Variants in SRBD1 observed in about 807,000 individuals in gnomAD.
SRBD1 encodes the protein S1 RNA-binding domain-containing protein 1.
SRBD1 carries 88 observed loss-of-function variants against 115.3 expected under a neutral mutation model. The ratio of observed to expected loss-of-function variants is 0.76; its 90% confidence interval spans 0.64 to 0.91. The LOEUF (loss-of-function observed/expected upper bound fraction) is 0.91, where lower values mean the gene tolerates loss of function less well. Among genes scored for constraint, SRBD1 ranks in the 40% least tolerant of loss-of-function variants. The probability of loss-of-function intolerance (pLI) is 0.00; values close to 1 mark genes in which losing one functional copy is unlikely to be tolerated. For synonymous variants in SRBD1, 509 were observed against 407.7 expected, an observed-to-expected ratio of 1.25 and a Z score of -2.99; for missense variants, 1,385 against 1,177.4, an observed-to-expected ratio of 1.18 and a Z score of -2.58.
intron 13 of SRBD1, among the ~76,000 whole-genome samples, 184 bp downstream of exon 13, chr2:45,547,338 G>C (rs186595491): frequency 1.3e-5 from 2 of 152,234 alleles, no homozygotes; most frequent in African/African-American, 2.4e-5. Flanking sequence ...CAAAGGAAGG[G>C]AGCAGCGTTT....
chr2:45,560,855 C>G (rs553092736), intron 10 of SRBD1, among the ~76,000 whole-genome samples: 2 of 151,942 alleles, frequency 1.3e-5, no homozygotes, highest in South Asian at 4.2e-4. Context: ...CCTGTCACGC[C>G]AGCATTTTGG....
chr2:45,463,768 C>G lies in SRBD1; in HGVS notation c.2049+13225G>C, dbSNP rs537092852. Among the ~76,000 whole-genome samples the G allele has an allele frequency of 2.8e-4, 43 of 152,228 alleles. 1 individual carries two copies. In the South Asian group the frequency reaches 8.9e-3, roughly 32 times the overall value. On this transcript the variant is annotated intron_variant, in intron 16 of 20. Coordinates refer to ENST00000263736, the MANE Select transcript of SRBD1 (RefSeq NM_018079.5). ...AAGGATTAAACATTTTTGGAGTAAT[C>G]TTATTCTACTATTTTTAGTCTACAA...
At chr2:45,550,379 T>C (rs768989681) in intron 12 of SRBD1, among the ~76,000 whole-genome samples, 3 of 150,754 alleles carry the variant, frequency 2.0e-5, no homozygotes, top group Non-Finnish European at 4.4e-5. Context: ...ATAAGAAAAC[T>C]GAGAAACACA....
chr2:45,463,453 CA>C (rs150015495), intron 16 of SRBD1, among the ~76,000 whole-genome samples: 2,716 of 152,244 alleles, frequency 0.018, 81 homozygotes, highest in African/African-American at 0.062. Flanking sequence ...ATGAGTTAAT[CA>C]ACATTCCTGA....
intron 16 of SRBD1, among the ~76,000 whole-genome samples, chr2:45,425,757 G>T (rs1215375929): frequency 6.6e-6 from 1 of 152,064 alleles, no homozygotes; most frequent in Non-Finnish European, 1.5e-5. Context: ...CCTAGCCAAG[G>T]GAAGCTGTGA....
chr2:45,547,915 C>A (rs1383742271), intron 12 of SRBD1, among the ~76,000 whole-genome samples: 1 of 152,160 alleles, frequency 6.6e-6, no homozygotes, highest in South Asian at 2.1e-4. Flanking sequence ...CAAACACTAA[C>A]TGAATTGTTA....
intron 15 of SRBD1, among the ~76,000 whole-genome samples, chr2:45,480,757 G>A (rs1669937670): frequency 6.6e-6 from 1 of 151,970 alleles, no homozygotes; most frequent in Non-Finnish European, 1.5e-5. Context: ...TTTAAATAAA[G>A]TTCTACTGAA....
intron 9 of SRBD1, among the ~76,000 whole-genome samples, chr2:45,572,455 C>A (rs1389139408): frequency 6.6e-6 from 1 of 151,828 alleles, no homozygotes; most frequent in Non-Finnish European, 1.5e-5. Flanking sequence ...CATCTTACCA[C>A]AATTAAACAT....
At position 45,546,833 on chromosome 2, in the gene SRBD1, G is replaced by A; in HGVS notation, c.1773C>T (p.Ser591=). 6.2e-7 allele frequency: 1 copy of A among 1,614,000 alleles called. No individual in the cohort carries two copies. Among genetic ancestry groups the A allele is most frequent in the Non-Finnish European group, 8.5e-7 (1 of 1,179,918 alleles). The change falls in exon 14 of 21, where the codon AGC becomes AGT. Residue 591 remains serine (S), a synonymous_variant. Coordinates refer to ENST00000263736, the MANE Select transcript of SRBD1 (RefSeq NM_018079.5). ...IKTLLLNFNC[S]TVVIGNGTAC... is the part of the protein sequence containing the mutation. ...CAGTTCCATTTCCAATCACTACTGT[G>A]CTGCAGCTTCAAGGCAGAAACAGAA...
intron 14 of SRBD1, chr2:45,546,214 GC>G (rs1672114849): frequency 3.0e-6 from 3 of 985,440 alleles, no homozygotes; most frequent in Non-Finnish European, 3.6e-6. Flanking sequence ...CTAATCCAAA[GC>G]TATTCACAAG....
intron 14 of SRBD1, among the ~76,000 whole-genome samples, chr2:45,545,368 G>C (rs764315256): frequency 7.1e-6 from 1 of 140,176 alleles, no homozygotes; most frequent in Non-Finnish European, 1.5e-5. Context: ...CTTTCTAATA[G>C]TACATACTGC....
At chr2:45,459,560 A>G (rs1469068258) in intron 16 of SRBD1, among the ~76,000 whole-genome samples, 1 of 152,208 alleles carries the variant, frequency 6.6e-6, no homozygotes, top group Non-Finnish European at 1.5e-5. Flanking sequence ...TGAATAAACA[A>G]CAGGAATAAA....
At chr2:45,573,134 G>C (rs939659887) in intron 9 of SRBD1, 73 bp downstream of exon 9, 2 of 1,430,256 alleles carry the variant, frequency 1.4e-6, no homozygotes, top group African/African-American at 1.5e-5. Context: ...TAAATTCTTA[G>C]TAAAGTAGCA....
At chr2:45,532,155 GCCATCACCA>G (rs1006424690) in intron 14 of SRBD1, among the ~76,000 whole-genome samples, 8 of 148,870 alleles carry the variant, frequency 5.4e-5, no homozygotes, top group Non-Finnish European at 1.2e-4. Flanking sequence ...CCATGCCGCT[GCCATCACCA>G]CCATCAGCAC....
rs147566149 is a variant in SRBD1 at position 45,389,347 on chromosome 2, C to T, written c.2951G>A (p.Arg984Gln). Residue 984 changes from arginine to glutamine, a missense_variant, in exon 21 of 21, where the codon CGA becomes CAA. Physicochemically the swap from Arg to Gln is conservative, Grantham distance 43 (BLOSUM62 1). Transcript: ENST00000263736. ...AATGAGGTCCAGAGTAATCCTAGAT[C>T]GGGGGATGTCAATGTTGAGTACTTG... Reference protein sequence around the residue: ...EVQVLNIDIPRSRITLDLIRV... With the variant: ...EVQVLNIDIPQSRITLDLIRV... 2.5e-5 allele frequency: 41 copies of T among 1,613,868 alleles called. No individual in the cohort carries two copies. The African/African-American group carries it at 3.9e-4, about 15-fold the overall frequency.
intron 19 of SRBD1, among the ~76,000 whole-genome samples, chr2:45,402,370 A>C (rs1486408516): frequency 1.3e-5 from 2 of 152,184 alleles, no homozygotes; most frequent in African/African-American, 2.4e-5. Flanking sequence ...TGAATTTTAC[A>C]TTGACGGCTG....
At chr2:45,538,129 G>A (rs1318671703) in intron 14 of SRBD1, among the ~76,000 whole-genome samples, 4 of 152,166 alleles carry the variant, frequency 2.6e-5, no homozygotes, top group Non-Finnish European at 5.9e-5. Context: ...GAGAAGGAAA[G>A]CCATAACCAG....
chr2:45,520,393 G>A (rs529678917), intron 14 of SRBD1, among the ~76,000 whole-genome samples: 1 of 152,324 alleles, frequency 6.6e-6, no homozygotes, highest in East Asian at 1.9e-4. Flanking sequence ...CACTGCCACA[G>A]GCTGTTTGCT....
chr2:45,500,420 A>G (rs1010805208), intron 14 of SRBD1, among the ~76,000 whole-genome samples: 1 of 149,010 alleles, frequency 6.7e-6, no homozygotes, highest in African/African-American at 2.5e-5. Context: ...ATATATAAAC[A>G]ATATTGATTT....
Sources: gnomAD v4.1 joint callset for allele counts (sites outside exome capture counted in the v4.1 genomes callset) on GRCh38, gnomAD v4.1.1 for gene constraint, MANE v1.5 for transcripts, NCBI Gene and HGNC (gene_info 2026-07-23, HGNC 2026-07-21) for gene names.